KRT79: variants seen among roughly 807,000 people sequenced by gnomAD.
The protein encoded by KRT79 is keratin 79, also known as keratin, type II cytoskeletal 79.
KRT79 carries 51 observed loss-of-function variants against 49.0 expected under a neutral mutation model. The observed-to-expected ratio is 1.04, with a 90% CI of 0.83 to 1.31. KRT79 has a LOEUF of 1.31. Among genes scored for constraint, KRT79 ranks in the 40% most tolerant of loss-of-function variants. The pLI is 0.00. For synonymous variants in KRT79, 312 were observed against 286.6 expected (o/e 1.09, Z -0.90); for missense variants, 728 against 688.0 (o/e 1.06, Z -0.65).
In KRT79 at chr12:52,834,229, G is replaced by C. The variant is rs762559396; in HGVS notation, c.32C>G (p.Ser11Cys). 1.9e-6 allele frequency: 3 copies of C among 1,613,682 alleles called. No homozygotes were observed. The highest frequency in any genetic ancestry group is 1.1e-5 in the South Asian group (1 of 91,058). Residue 11 changes from serine (S) to cysteine (C), a missense_variant, in exon 1 of 9, where the codon TCC becomes TGC. Coordinates refer to ENST00000330553, the MANE Select transcript of KRT79 (RefSeq NM_175834.3). ...GTTGGAGCTGAAGCCCCCTTTTGTGGAGTATGTTTGCCGAGAGACGGAGGA... is the reference window on the plus strand; with the variant it reads ...GTTGGAGCTGAAGCCCCCTTTTGTGCAGTATGTTTGCCGAGAGACGGAGGA... MRSSVSRQTYSTKGGFSSNSA... is the reference protein window; with the variant it reads MRSSVSRQTYCTKGGFSSNSA...
At position 52,823,986 on chromosome 12, in the gene KRT79, C is replaced by G; in HGVS notation, c.1047G>C (p.Gly349=). ...TKYEELQVTA[G]KHGDNLRDTK... ...TGTCCCGCAGGTTGTCCCCATGCTTCCCAGCAGTCACCTGCAGCTCCTCAT... is the reference window on the plus strand; with the variant it reads ...TGTCCCGCAGGTTGTCCCCATGCTTGCCAGCAGTCACCTGCAGCTCCTCAT... Residue 349 remains glycine, a synonymous_variant, in exon 6 of 9, where the codon GGG becomes GGC. Transcript: ENST00000330553. 6.2e-7 allele frequency: 1 copy of G among 1,614,182 alleles called. No homozygotes were observed. The highest frequency in any genetic ancestry group is 1.1e-5 in the South Asian group (1 of 91,078).
chr12:52,832,563 G>A (rs923454147), intron 1 of KRT79, among the ~76,000 whole-genome samples: 3 of 151,970 alleles, frequency 2.0e-5, no homozygotes, highest in Non-Finnish European at 4.4e-5. Flanking sequence ...GGCTTGTTTG[G>A]CCTCTGGGAC....
rs564796188 is a variant in KRT79, at chr12:52,821,720, G to A, written c.*152C>T. 19 of 680,946 alleles carry A rather than the reference G, an allele frequency of 2.8e-5. No homozygotes were observed. Among genetic ancestry groups the A allele is most frequent in the African/African-American group, 5.4e-5 (3 of 55,872 alleles). 42.2% of individuals were successfully genotyped at this position (680,946 alleles called of 1,614,324 possible). A position where few individuals can be genotyped will look rare whatever the true frequency, so the allele number is the denominator to read the frequency against. On this transcript the variant is annotated 3_prime_UTR_variant, in exon 9 of 9. Transcript: ENST00000330553. Reference sequence around the variant, plus strand: ...GGAGAAAACCTGAGTAGATTTGAGCGCTTCCCAAGATGCAAATAGTCTGGT... The same window carrying A: ...GGAGAAAACCTGAGTAGATTTGAGCACTTCCCAAGATGCAAATAGTCTGGT...
chr12:52,824,085 A>G, intron 5 of KRT79, 73 bp from the exon 6 acceptor site: 1 of 1,612,870 alleles, frequency 6.2e-7, no homozygotes, highest in Non-Finnish European at 8.5e-7. Flanking sequence ...GCCCCATGCA[A>G]GTTGAGTATA....
chr12:52,827,162 C>T (rs1235110749), intron 4 of KRT79, among the ~76,000 whole-genome samples: 1 of 152,196 alleles, frequency 6.6e-6, no homozygotes, highest in Non-Finnish European at 1.5e-5. Flanking sequence ...CTAGCCCTTC[C>T]ATCAAGATCC....
intron 4 of KRT79, among the ~76,000 whole-genome samples, chr12:52,828,819 T>A (rs964955517): frequency 6.6e-6 from 1 of 152,006 alleles, no homozygotes; most frequent in African/African-American, 2.4e-5. Context: ...CACCCCTCCA[T>A]CTTCTGAATA....
At position 52,821,969 on chromosome 12, in the gene KRT79, T is replaced by G. The variant is rs780469126; in HGVS notation, c.1511A>C (p.Asn504Thr). Residue 504 changes from asparagine to threonine, a missense_variant, in exon 9 of 9, where the codon AAT (asparagine) becomes ACT (threonine). Coordinates refer to ENST00000330553, the MANE Select transcript of KRT79 (RefSeq NM_175834.3). The stretch of plus-strand genomic sequence containing the variant: ...TCCCTTGACGGTGCTATAGCCCACA[T>G]TTGTGCTGAATCCACCCTTGGTGGC... ...GGATKGGFST[N>T]VGYSTVKGGP... 1 of 1,614,180 alleles carries G rather than the reference T, an allele frequency of 6.2e-7. No individual in the cohort carries two copies. The highest frequency in any genetic ancestry group is 8.5e-7 in the Non-Finnish European group (1 of 1,180,036).
chr12:52,821,849 G>T lies in KRT79; in HGVS notation c.*23C>A, dbSNP rs1252762983. The T allele has an allele frequency of 2.2e-5, 35 of 1,606,814 alleles. No homozygotes were observed. Among genetic ancestry groups the T allele is most frequent in the Non-Finnish European group, 2.9e-5 (34 of 1,175,268 alleles). ...TGAGGAGGGCAGGGACAGGATTGCA[G>T]GGGCCCTTGCAGGGCTCAGCAGCTA... On this transcript the variant is annotated 3_prime_UTR_variant, in exon 9 of 9. Coordinates refer to ENST00000330553, the MANE Select transcript of KRT79 (RefSeq NM_175834.3).
At chr12:52,831,325 G>C (rs1034238805) in intron 2 of KRT79, 81 bp downstream of exon 2, 2 of 1,377,900 alleles carry the variant, frequency 1.5e-6, no homozygotes, top group African/African-American at 2.8e-5. Flanking sequence ...CTGGGACCCT[G>C]GGAATGGGGT....
chr12:52,824,031 G>T lies in KRT79; in HGVS notation c.1021-19C>A. The T allele has an allele frequency of 6.2e-7, 1 of 1,613,998 alleles. No individual in the cohort carries two copies. The highest frequency in any genetic ancestry group is 8.5e-7 in the Non-Finnish European group (1 of 1,180,016). ...CCTCATACTGGGGACCAAAGAAGTG[G>T]CAGTGCGCTTTCAAATGGCCCCAGC... On this transcript the variant is annotated intron_variant, in intron 5 of 8. Coordinates refer to ENST00000330553, the MANE Select transcript of KRT79 (RefSeq NM_175834.3).
rs1355193157 is a variant in KRT79 at position 52,824,325 on chromosome 12, T to C, written c.893A>G (p.Asn298Ser). The change falls in exon 5 of 9, where the codon AAT (asparagine) becomes AGT (serine). Residue 298 changes from asparagine (N) to serine (S), a missense_variant. Asn to Ser is a conservative substitution (Grantham distance 46). Coordinates refer to ENST00000330553, the MANE Select transcript of KRT79 (RefSeq NM_175834.3). ...GTTGTTGTCCATGGACAGCACCACATTGGTGTTAGACACGTGGGTCTGCAC... is the reference window on the plus strand; with the variant it reads ...GTTGTTGTCCATGGACAGCACCACACTGGTGTTAGACACGTGGGTCTGCAC... The part of the protein sequence containing the change: ...SQVQTHVSNT[N>S]VVLSMDNNRN... The C allele has an allele frequency of 2.5e-6, 4 of 1,614,078 alleles. No individual in the cohort carries two copies. The Admixed American group carries it at 5.0e-5, about 20-fold the overall frequency.
At position 52,833,886 on chromosome 12, in the gene KRT79, G is replaced by T; in HGVS notation, c.375C>A (p.Thr125=). 3 of 1,613,852 alleles carry T rather than the reference G, an allele frequency of 1.9e-6. No homozygotes were observed. Among genetic ancestry groups the T allele is most frequent in the Non-Finnish European group, 2.5e-6 (3 of 1,179,940 alleles). ...CGGGGTCAATCTCCACATGGAGGGG[G>T]GTCAGCAGGCTCTGGTTGACAGTGA... The part of the protein sequence containing the change: ...QEVTVNQSLL[T]PLHVEIDPEI... Residue 125 remains threonine, a synonymous_variant, in exon 1 of 9, where the codon ACC becomes ACA. Transcript: ENST00000330553.
At position 52,834,026 on chromosome 12, in the gene KRT79, C is replaced by A; in HGVS notation, c.235G>T (p.Ala79Ser). 1.9e-6 allele frequency: 3 copies of A among 1,613,252 alleles called. No homozygotes were observed. Among genetic ancestry groups the A allele is most frequent in the South Asian group, 1.1e-5 (1 of 91,020 alleles). ...KSISVSVAGG[A>S]LLGRALGGFG... ...CCCCCCAGAGCCCGCCCCAACAAGGCCCCTCCGGCCACACTGACAGAGATA... is the reference window on the plus strand; with the variant it reads ...CCCCCCAGAGCCCGCCCCAACAAGGACCCTCCGGCCACACTGACAGAGATA... Residue 79 changes from alanine (A) to serine (S), a missense_variant, in exon 1 of 9, where the codon GCC (alanine) becomes TCC (serine). By Grantham distance (99) the Ala-to-Ser change is moderately conservative (BLOSUM62 1). Transcript: ENST00000330553.
rs1433122174 is a variant in KRT79 at position 52,821,591 on chromosome 12, A to G, written c.*281T>C. 2.1e-6 allele frequency: 1 copy of G among 468,716 alleles called. No individual in the cohort carries two copies. The highest frequency in any genetic ancestry group is 3.9e-6 in the Non-Finnish European group (1 of 256,596). The allele number at this position is 468,716 out of a possible 1,614,324, so 29.0% of individuals were successfully genotyped here. A position where few individuals can be genotyped will look rare whatever the true frequency, so the allele number is the denominator to read the frequency against. On this transcript the variant is annotated 3_prime_UTR_variant, in exon 9 of 9. Coordinates refer to ENST00000330553, the MANE Select transcript of KRT79 (RefSeq NM_175834.3). ...TTCTCTCTCTCCTAATGGCTTGAGA[A>G]ATTCAGCCTCCTCTCGGTGGTCAAA...
chr12:52,831,929 C>A (rs886945815), intron 1 of KRT79, among the ~76,000 whole-genome samples: 4 of 152,190 alleles, frequency 2.6e-5, no homozygotes, highest in Non-Finnish European at 4.4e-5. Context: ...TCTCACTTGT[C>A]CTGCATAAAC....
In KRT79 at chr12:52,824,248, G is replaced by C; in HGVS notation, c.970C>G (p.Leu324Val). Reference protein sequence around the residue: ...IIAEVKAQYELIAQRSRAEAE... With the variant: ...IIAEVKAQYEVIAQRSRAEAE... The stretch of plus-strand genomic sequence containing the variant: ...TCAGCCCGGCTCCTCTGGGCAATCA[G>C]CTCATACTGGGCCTTGACCTCGGCG... Residue 324 changes from leucine to valine, a missense_variant, in exon 5 of 9, where the codon CTG (leucine) becomes GTG (valine). Leu to Val is a conservative substitution (Grantham distance 32, BLOSUM62 1). Coordinates refer to ENST00000330553, the MANE Select transcript of KRT79 (RefSeq NM_175834.3). 6.2e-7 allele frequency: 1 copy of C among 1,614,258 alleles called. No individual in the cohort carries two copies. The highest frequency in any genetic ancestry group is 8.5e-7 in the Non-Finnish European group (1 of 1,180,050).
intron 4 of KRT79, among the ~76,000 whole-genome samples, chr12:52,825,028 A>G (rs1388003364): frequency 6.6e-6 from 1 of 152,196 alleles, no homozygotes; most frequent in Admixed American, 6.5e-5. Context: ...TCCTTCACAC[A>G]TAAGTAGGCT....
In KRT79 at chr12:52,821,866, C is replaced by T; in HGVS notation, c.*6G>A. On this transcript the variant is annotated 3_prime_UTR_variant, in exon 9 of 9. Transcript: ENST00000330553. Reference sequence around the variant, plus strand: ...GGATTGCAGGGGCCCTTGCAGGGCTCAGCAGCTAATACCTCTGGCTGGACG... The same window carrying T: ...GGATTGCAGGGGCCCTTGCAGGGCTTAGCAGCTAATACCTCTGGCTGGACG... 1.2e-6 allele frequency: 2 copies of T among 1,613,318 alleles called. No individual in the cohort carries two copies. Among genetic ancestry groups the T allele is most frequent in the Non-Finnish European group, 8.5e-7 (1 of 1,179,680 alleles).
At chr12:52,826,405 T>C (rs576007163) in intron 4 of KRT79, among the ~76,000 whole-genome samples, 1 of 150,704 alleles carries the variant, frequency 6.6e-6, no homozygotes, top group African/African-American at 2.4e-5. Flanking sequence ...CCCAGCTACT[T>C]GGGAGGCTGA....
Sources: allele counts gnomAD v4.1 joint callset (sites outside exome capture counted in the v4.1 genomes callset), GRCh38; gene constraint gnomAD v4.1.1; transcripts MANE v1.5; gene names NCBI Gene and HGNC (gene_info 2026-07-23, HGNC 2026-07-21).